Variants in SEMA3C observed in about 807,000 individuals in gnomAD.
SEMA3C encodes the protein semaphorin 3C, also known as semaphorin-3C.
A neutral mutation model predicts 89.4 loss-of-function variants in SEMA3C; 47 were observed. The ratio of observed to expected loss-of-function variants is 0.53; its 90% confidence interval spans 0.42 to 0.67. SEMA3C has a LOEUF of 0.67. Ranked by LOEUF, SEMA3C falls within the 30% of genes least tolerant of loss-of-function variation. SEMA3C has a pLI of 0.00. For synonymous variants in SEMA3C, 310 were observed against 320.2 expected, an observed-to-expected ratio of 0.97 and a Z score of 0.34; for missense variants, 839 against 929.1, an observed-to-expected ratio of 0.90 and a Z score of 1.26.
chr7:80,916,941 A>G (rs1054401816), intron 1 of SEMA3C, 122 bp from the exon 2 acceptor site: 3 of 698,776 alleles, frequency 4.3e-6, no homozygotes, highest in Admixed American at 3.0e-5. Context: ...ACAGTAATGC[A>G]AACAGTAGGA....
At chr7:80,852,034 C>T (rs1790526986) in intron 2 of SEMA3C, among the ~76,000 whole-genome samples, 1 of 152,142 alleles carries the variant, frequency 6.6e-6, no homozygotes, top group Non-Finnish European at 1.5e-5. Context: ...AATGCCTGAG[C>T]TTGTTACTCT....
intron 13 of SEMA3C, 84 bp downstream of exon 13, chr7:80,765,069 AAT>A: frequency 1.2e-6 from 1 of 832,292 alleles, no homozygotes; most frequent in Non-Finnish European, 1.9e-6. Context: ...TCTTTTATCA[AAT>A]ATAGTTTCCT....
intron 2 of SEMA3C, among the ~76,000 whole-genome samples, chr7:80,843,111 G>A (rs1790307933): frequency 6.6e-6 from 1 of 152,100 alleles, no homozygotes; most frequent in African/African-American, 2.4e-5. Context: ...GAGTTAGATA[G>A]AAGTAATAAG....
intron 2 of SEMA3C, among the ~76,000 whole-genome samples, chr7:80,854,331 A>T (rs1346439903): frequency 1.3e-5 from 2 of 152,292 alleles, no homozygotes; most frequent in East Asian, 3.9e-4. Flanking sequence ...GGTACAGGAA[A>T]AGGGGAGGCT....
intron 15 of SEMA3C, 126 bp from the exon 16 acceptor site, chr7:80,751,462 A>C (rs1787934107): frequency 1.3e-6 from 1 of 769,518 alleles, no homozygotes; most frequent in African/African-American, 1.7e-5. Flanking sequence ...TTTTTTAAAA[A>C]GAGTTCTGAT....
chr7:80,877,698 G>A (rs936644989), intron 2 of SEMA3C, among the ~76,000 whole-genome samples: 1 of 152,166 alleles, frequency 6.6e-6, no homozygotes, highest in Admixed American at 6.5e-5. Flanking sequence ...CACAGTTGTA[G>A]TGACCATATA....
intron 6 of SEMA3C, among the ~76,000 whole-genome samples, chr7:80,810,302 T>C (rs1446694311): frequency 6.6e-6 from 1 of 152,080 alleles, no homozygotes; most frequent in African/African-American, 2.4e-5. Flanking sequence ...TAGTTAATAC[T>C]ACAAACAATT....
intron 10 of SEMA3C, among the ~76,000 whole-genome samples, chr7:80,799,122 T>C (rs1789136831): frequency 6.6e-6 from 1 of 152,212 alleles, no homozygotes; most frequent in Non-Finnish European, 1.5e-5. Flanking sequence ...CAATTCTTTG[T>C]GAGTTAAATC....
intron 13 of SEMA3C, among the ~76,000 whole-genome samples, chr7:80,762,594 G>A (rs1321505997): frequency 1.3e-5 from 2 of 152,046 alleles, no homozygotes; most frequent in African/African-American, 2.4e-5. Context: ...TGAGGCGGGC[G>A]GATCACCCTG....
intron 12 of SEMA3C, among the ~76,000 whole-genome samples, chr7:80,778,814 T>C (rs952795147): frequency 1.3e-5 from 2 of 152,174 alleles, no homozygotes; most frequent in Non-Finnish European, 2.9e-5. Context: ...GACCACCGCA[T>C]CTTCCTTCCT....
At chr7:80,769,897 C>CA (rs1306543606) in intron 12 of SEMA3C, among the ~76,000 whole-genome samples, 1 of 133,384 alleles carries the variant, frequency 7.5e-6, no homozygotes, top group Non-Finnish European at 1.6e-5. Context: ...AACCACAATA[C>CA]AAAAGCTGCT....
At chr7:80,919,327 C>T (rs1584012292), upstream of SEMA3C, 3 of 985,188 alleles carry the variant, frequency 3.0e-6, no homozygotes, top group East Asian at 1.1e-4. Flanking sequence ...GCCCTAGCTC[C>T]GCAACCCTGC....
At chr7:80,919,335 T>A, upstream of SEMA3C, 1 of 985,312 alleles carries the variant, frequency 1.0e-6, no homozygotes, top group South Asian at 4.7e-5. Flanking sequence ...TCCGCAACCC[T>A]GCTCCTTTCG....
chr7:80,819,084 A>T (rs1789682560), intron 4 of SEMA3C, among the ~76,000 whole-genome samples: 1 of 152,190 alleles, frequency 6.6e-6, no homozygotes, highest in Non-Finnish European at 1.5e-5. Flanking sequence ...TTCTGTTTTA[A>T]TCTGGACTAA....
chr7:80,878,772 G>A (rs568185111), intron 2 of SEMA3C, among the ~76,000 whole-genome samples: 10 of 152,254 alleles, frequency 6.6e-5, no homozygotes, highest in African/African-American at 9.6e-5. Context: ...ACAGCATAAA[G>A]ATAGTGATGG....
chr7:80,892,161 T>C (rs893171998), intron 2 of SEMA3C, among the ~76,000 whole-genome samples: 3 of 152,120 alleles, frequency 2.0e-5, no homozygotes, highest in African/African-American at 4.8e-5. Context: ...AATCATTGGC[T>C]TCTGTACAGT....
At chr7:80,888,521 C>T (rs144871753) in intron 2 of SEMA3C, among the ~76,000 whole-genome samples, 346 of 152,114 alleles carry the variant, frequency 2.3e-3, no homozygotes, top group African/African-American at 7.6e-3. Context: ...AGGTTGTTGA[C>T]GTGAACATTA....
At chr7:80,770,947 G>A (rs1198332955) in intron 12 of SEMA3C, among the ~76,000 whole-genome samples, 11 of 152,190 alleles carry the variant, frequency 7.2e-5, no homozygotes, top group Admixed American at 7.2e-4. Flanking sequence ...AAAACTGAAA[G>A]GTTGTGAAGT....
intron 12 of SEMA3C, among the ~76,000 whole-genome samples, chr7:80,788,882 G>A (rs933356675): frequency 2.0e-5 from 3 of 152,014 alleles, no homozygotes; most frequent in Admixed American, 6.5e-5. Flanking sequence ...AACCAGCTTC[G>A]GTTATGTCTA....
Sources: gnomAD v4.1 joint callset for allele counts (sites outside exome capture counted in the v4.1 genomes callset) on GRCh38, gnomAD v4.1.1 for gene constraint, MANE v1.5 for transcripts, NCBI Gene and HGNC (gene_info 2026-07-23, HGNC 2026-07-21) for gene names.